The following GPHN variants were observed in gnomAD, a reference collection of about 807,000 sequenced individuals.
The protein encoded by GPHN is gephyrin.
Under a neutral mutation model 95.5 loss-of-function variants are expected in GPHN, and 17 were observed. The observed-to-expected ratio is 0.18, with a 90% confidence interval of 0.12 to 0.27. GPHN has a LOEUF of 0.27. Ranked by LOEUF, GPHN falls within the 10% of genes least tolerant of loss-of-function variation. The pLI, the probability that GPHN is intolerant of heterozygous loss-of-function variation, is 1.00. For missense variants in GPHN, 660 were observed against 978.1 expected, an observed-to-expected ratio of 0.67 and a Z score of 4.34; for synonymous variants, 320 against 322.5, an observed-to-expected ratio of 0.99 and a Z score of 0.08.
intron 1 of GPHN, among the ~76,000 whole-genome samples, chr14:66,521,771 TA>T (rs1180650162): frequency 6.6e-6 from 1 of 151,988 alleles, no homozygotes; most frequent in Non-Finnish European, 1.5e-5. Context: ...TGGGGTGGGA[TA>T]GGGGGTCTGG....
intron 2 of GPHN, among the ~76,000 whole-genome samples, chr14:66,771,191 A>G (rs546840446): frequency 6.6e-6 from 1 of 151,998 alleles, no homozygotes; most frequent in East Asian, 1.9e-4. Context: ...TTTCTATTTA[A>G]CTCCCTCTAG....
At chr14:67,164,650 C>T (rs534488799) in intron 19 of GPHN, among the ~76,000 whole-genome samples, 1 of 152,088 alleles carries the variant, frequency 6.6e-6, no homozygotes, top group Admixed American at 6.5e-5. Flanking sequence ...CACCACCATG[C>T]CTGGCAAATT....
chr14:67,203,370 TGATGACAA>T, the GPHN span: 1 of 1,210,298 alleles, frequency 8.3e-7, no homozygotes. Flanking sequence ...ACGGAAACAC[TGATGACAA>T]TTGCGCCAGT....
the GPHN span, among the ~76,000 whole-genome samples, chr14:67,402,433 T>A: frequency 1.2e-4 from 18 of 152,196 alleles, no homozygotes; most frequent in African/African-American, 4.3e-4. Context: ...ACAATCCGAT[T>A]ATACTCTTTT....
intron 21 of GPHN, among the ~76,000 whole-genome samples, chr14:67,179,022 G>A (rs2083175880): frequency 6.6e-6 from 1 of 152,154 alleles, no homozygotes; most frequent in African/African-American, 2.4e-5. Flanking sequence ...GACAAAAGCT[G>A]AACTCCAGCT....
the GPHN span, among the ~76,000 whole-genome samples, chr14:67,500,696 C>T: frequency 3.3e-5 from 5 of 151,028 alleles, no homozygotes; most frequent in East Asian, 8.0e-4. Flanking sequence ...CTCAGCTTCC[C>T]GAGTAGCTGA....
chr14:66,583,980 A>T (rs1027058159), intron 1 of GPHN, among the ~76,000 whole-genome samples: 2 of 152,178 alleles, frequency 1.3e-5, no homozygotes, highest in African/African-American at 2.4e-5. Flanking sequence ...CTTGGGCAGT[A>T]TGGCCATTTT....
the GPHN span, among the ~76,000 whole-genome samples, chr14:67,668,470 G>GT: frequency 2.6e-5 from 4 of 152,198 alleles, no homozygotes; most frequent in Non-Finnish European, 5.9e-5. Flanking sequence ...GAGAAATACA[G>GT]TTTTTGTTGT....
chr14:67,672,122 C>CTTTTTTTTTT, the GPHN span, among the ~76,000 whole-genome samples: 1 of 130,798 alleles, frequency 7.6e-6, no homozygotes, highest in Non-Finnish European at 1.8e-5. Flanking sequence ...ATGCAGTCTA[C>CTTTTTTTTTT]ATTTTTTTTT....
At chr14:67,659,646 C>T in the GPHN span, 1 of 1,370,566 alleles carries the variant, frequency 7.3e-7, no homozygotes, top group Non-Finnish European at 9.8e-7. Flanking sequence ...ACACTGATAA[C>T]ATGAAATACC....
chr14:67,552,633 G>A, the GPHN span, among the ~76,000 whole-genome samples: 1 of 148,368 alleles, frequency 6.7e-6, no homozygotes, highest in African/African-American at 2.4e-5. Context: ...TGGGCGTGGT[G>A]GCGGGTGCCT....
the GPHN span, among the ~76,000 whole-genome samples, chr14:67,356,045 C>T: frequency 6.6e-6 from 1 of 152,038 alleles, no homozygotes; most frequent in Non-Finnish European, 1.5e-5. Flanking sequence ...GGTTGTATAA[C>T]CTAGACACAG....
chr14:66,650,178 C>T (rs1276229415), intron 1 of GPHN, among the ~76,000 whole-genome samples: 1 of 151,728 alleles, frequency 6.6e-6, no homozygotes, highest in Non-Finnish European at 1.5e-5. Context: ...ATTTCACATT[C>T]TCAGAGCCTG....
At chr14:67,168,541 G>T (rs1410189318) in intron 20 of GPHN, among the ~76,000 whole-genome samples, 3 of 152,038 alleles carry the variant, frequency 2.0e-5, no homozygotes, top group Non-Finnish European at 2.9e-5. Context: ...AACCAAGCTT[G>T]TAATACTATA....
chr14:66,657,160 A>G (rs894367299), intron 1 of GPHN, among the ~76,000 whole-genome samples: 1 of 152,232 alleles, frequency 6.6e-6, no homozygotes, highest in African/African-American at 2.4e-5. Context: ...CAGTCTGGCT[A>G]GATTGGACTA....
intron 10 of GPHN, among the ~76,000 whole-genome samples, chr14:67,025,617 C>T (rs753382595): frequency 1.6e-4 from 24 of 151,936 alleles, no homozygotes; most frequent in Non-Finnish European, 2.6e-4. Flanking sequence ...AGGAAATATC[C>T]CAAATAAATT....
At chr14:66,701,422 A>G (rs1236216654) in intron 2 of GPHN, among the ~76,000 whole-genome samples, 1 of 152,234 alleles carries the variant, frequency 6.6e-6, no homozygotes, top group Non-Finnish European at 1.5e-5. Context: ...CCCATCAAAA[A>G]GAACCATAAT....
At chr14:67,387,362 G>A in the GPHN span, 13 of 1,610,726 alleles carry the variant, frequency 8.1e-6, no homozygotes, top group African/African-American at 1.3e-5. Flanking sequence ...CAATCCACTC[G>A]GCTCGCTCAG....
chr14:67,113,882 G>A (rs774445115), intron 16 of GPHN, among the ~76,000 whole-genome samples: 1 of 151,992 alleles, frequency 6.6e-6, no homozygotes, highest in Non-Finnish European at 1.5e-5. Flanking sequence ...TGAATCTGCT[G>A]GAAACTCAAA....
Sources: gnomAD v4.1 joint callset for allele counts (sites outside exome capture counted in the v4.1 genomes callset) on GRCh38, gnomAD v4.1.1 for gene constraint, MANE v1.5 for transcripts, NCBI Gene and HGNC (gene_info 2026-07-23, HGNC 2026-07-21) for gene names.